The following MAML2 variants were observed in gnomAD, a reference collection of about 807,000 sequenced individuals.
MAML2 encodes the protein mastermind-like protein 2.
In MAML2, 22 loss-of-function variants were observed where a neutral mutation model predicts 96.1. That is an observed-to-expected ratio of 0.23 (90% CI 0.16 to 0.33). The LOEUF (loss-of-function observed/expected upper bound fraction) is 0.33. MAML2 is among the 10% of genes least tolerant of loss of function. MAML2 has a pLI of 1.00. For synonymous variants in MAML2, 561 were observed against 521.3 expected (o/e 1.08, Z -1.04); for missense variants, 1,367 against 1,392.4 (o/e 0.98, Z 0.29).
chr11:96,099,139 C>T (rs1859881298), intron 1 of MAML2, among the ~76,000 whole-genome samples: 2 of 152,162 alleles, frequency 1.3e-5, no homozygotes. Flanking sequence ...TGCCTACATA[C>T]TCAAGGGAAT....
chr11:96,069,607 G>T (rs1024809626), intron 2 of MAML2, among the ~76,000 whole-genome samples: 10 of 152,156 alleles, frequency 6.6e-5, no homozygotes, highest in African/African-American at 2.4e-4. Context: ...AGCCCAGGAG[G>T]TTGAGACGGC....
chr11:96,034,659 G>T (rs1365269370), intron 2 of MAML2, among the ~76,000 whole-genome samples: 1 of 152,062 alleles, frequency 6.6e-6, no homozygotes, highest in Non-Finnish European at 1.5e-5. Context: ...AATTATTTTT[G>T]ATACTTTAAT....
chr11:96,020,092 G>T (rs1858414094), intron 2 of MAML2, among the ~76,000 whole-genome samples: 2 of 152,262 alleles, frequency 1.3e-5, no homozygotes, highest in Non-Finnish European at 2.9e-5. Context: ...CATGCAGAGG[G>T]AACAACCTTG....
chr11:96,009,037 A>G (rs1858229114), intron 2 of MAML2, among the ~76,000 whole-genome samples: 2 of 152,194 alleles, frequency 1.3e-5, no homozygotes, highest in African/African-American at 4.8e-5. Flanking sequence ...GGAAGGTGTT[A>G]TGTTAATAAA....
chr11:96,206,120 T>C (rs1565248383), intron 1 of MAML2, among the ~76,000 whole-genome samples: 1 of 152,176 alleles, frequency 6.6e-6, no homozygotes. Flanking sequence ...GAAGTTTTTA[T>C]GTGTTATCTA....
At chr11:96,050,969 A>C (rs537104339) in intron 2 of MAML2, among the ~76,000 whole-genome samples, 1 of 152,322 alleles carries the variant, frequency 6.6e-6, no homozygotes, top group East Asian at 1.9e-4. Flanking sequence ...ACTGATGTCA[A>C]ATGTGATGTG....
chr11:96,089,375 T>C (rs1252644057), intron 2 of MAML2, among the ~76,000 whole-genome samples: 1 of 152,186 alleles, frequency 6.6e-6, no homozygotes, highest in Non-Finnish European at 1.5e-5. Flanking sequence ...TTAACTGCCT[T>C]CAGAGAAAGC....
chr11:96,194,233 G>A (rs1565244344), intron 1 of MAML2, among the ~76,000 whole-genome samples: 1 of 152,258 alleles, frequency 6.6e-6, no homozygotes, highest in African/African-American at 2.4e-5. Flanking sequence ...AGTCTGGGGA[G>A]TGGGAAGTGG....
chr11:95,988,696 G>T (rs1211421016), intron 3 of MAML2, among the ~76,000 whole-genome samples: 1 of 151,684 alleles, frequency 6.6e-6, no homozygotes, highest in Non-Finnish European at 1.5e-5. Context: ...ACACAGAACT[G>T]CCATGTTGTT....
intron 2 of MAML2, among the ~76,000 whole-genome samples, chr11:96,032,880 G>C (rs968718776): frequency 6.6e-6 from 1 of 152,166 alleles, no homozygotes; most frequent in Admixed American, 6.5e-5. Flanking sequence ...GACTGAAGGT[G>C]GGGGAAGAGG....
chr11:96,094,642 A>C (rs186725504), intron 1 of MAML2, among the ~76,000 whole-genome samples: 1 of 152,306 alleles, frequency 6.6e-6, no homozygotes, highest in East Asian at 1.9e-4. Flanking sequence ...CCATATAAGC[A>C]CACTAATACA....
intron 2 of MAML2, among the ~76,000 whole-genome samples, chr11:96,080,577 G>C (rs1468324641): frequency 6.6e-6 from 1 of 152,098 alleles, no homozygotes; most frequent in Non-Finnish European, 1.5e-5. Flanking sequence ...AGCAAGTTTG[G>C]GTCCAGACTT....
chr11:96,095,146 C>T (rs915187959), intron 1 of MAML2, among the ~76,000 whole-genome samples: 2 of 152,264 alleles, frequency 1.3e-5, no homozygotes, highest in Non-Finnish European at 2.9e-5. Context: ...ATGTCATTTA[C>T]ACTCTAACAT....
chr11:96,015,967 T>C (rs1858345628), intron 2 of MAML2, among the ~76,000 whole-genome samples: 1 of 152,066 alleles, frequency 6.6e-6, no homozygotes, highest in African/African-American at 2.4e-5. Context: ...TCAGGAGAGG[T>C]ATGTATTAGA....
rs1861122686 is a variant in MAML2, at chr11:96,162,354, C to A, written c.514-68837G>T. On this transcript the variant is annotated intron_variant, in intron 1 of 4. Transcript: ENST00000524717. ...AAAAGCTAGTTAGATACTCAGAGAT[C>A]TTCCAGACCAGATCTAGCGATTGCT... 5.9e-5 allele frequency among the ~76,000 whole-genome samples: 9 copies of A among 151,440 alleles called. No individual in the cohort carries two copies. In the South Asian group the frequency reaches 1.9e-3, roughly 32 times the overall value.
intron 2 of MAML2, among the ~76,000 whole-genome samples, chr11:96,080,101 C>T (rs527575574): frequency 1.3e-5 from 2 of 152,298 alleles, no homozygotes; most frequent in South Asian, 4.1e-4. Context: ...GCAGTAAATA[C>T]TATTTATCCC....
chr11:96,161,236 T>TG, intron 1 of MAML2, among the ~76,000 whole-genome samples: 1 of 152,270 alleles, frequency 6.6e-6, no homozygotes, highest in South Asian at 2.1e-4. Context: ...AGGAATGTGG[T>TG]GGGGAAGGCA....
intron 1 of MAML2, among the ~76,000 whole-genome samples, chr11:96,291,418 C>T (rs750520208): frequency 3.9e-5 from 6 of 152,096 alleles, no homozygotes; most frequent in South Asian, 2.1e-4. Flanking sequence ...TGAGCCACTG[C>T]GCCCGGCCTT....
intron 1 of MAML2, among the ~76,000 whole-genome samples, chr11:96,129,345 C>T (rs1459420923): frequency 6.6e-6 from 1 of 152,178 alleles, no homozygotes; most frequent in Non-Finnish European, 1.5e-5. Flanking sequence ...GATTGCTGGG[C>T]TCTACCTCTA....
Sources: allele counts gnomAD v4.1 joint callset (sites outside exome capture counted in the v4.1 genomes callset), GRCh38; gene constraint gnomAD v4.1.1; transcripts MANE v1.5; gene names NCBI Gene and HGNC (gene_info 2026-07-23, HGNC 2026-07-21).